ZNF691: variants seen among roughly 807,000 people sequenced by gnomAD.
ZNF691 encodes zinc finger protein 691.
Under a neutral mutation model 24.1 loss-of-function variants are expected in ZNF691, and 11 were observed. The observed-to-expected ratio is 0.46, with a 90% CI of 0.29 to 0.75. The LOEUF is 0.75. ZNF691 is among the 30% of genes least tolerant of loss of function. The pLI is 0.11. For missense variants in ZNF691, 356 were observed against 409.0 expected, an observed-to-expected ratio of 0.87 and a Z score of 1.12; for synonymous variants, 149 against 153.9, an observed-to-expected ratio of 0.97 and a Z score of 0.23.
Position 42,849,667 on chromosome 1 carries a change from C to A in ZNF691, c.9C>A (p.Leu3=). The A allele has an allele frequency of 6.4e-7, 1 of 1,551,048 alleles. No homozygotes were observed. The highest frequency in any genetic ancestry group is 8.7e-7 in the Non-Finnish European group (1 of 1,146,994). The part of the protein sequence containing the change: MS[L]CSPTHSAEMS... ...CCCTCATCCCTTTGTTCATGTCACT[C>A]TGTTCACCAACCCACTCTGCTGAAA... Residue 3 remains leucine (L), a synonymous_variant, in exon 3 of 4, where the codon CTC becomes CTA. Transcript: ENST00000651192.
At chr1:42,850,796 A>G in intron 3 of ZNF691, 154 bp from the exon 4 acceptor site, 1 of 1,549,262 alleles carries the variant, frequency 6.5e-7, no homozygotes, top group Non-Finnish European at 8.7e-7. Flanking sequence ...GTAGCAAGTA[A>G]AGGTATTCTA....
chr1:42,851,668 C>T lies in ZNF691; in HGVS notation c.803C>T (p.Ser268Phe). Reference sequence around the variant, plus strand: ...TGTGGGCGGACCTTCAGCGATATCTCCAACTTTGGAGCACACCAGCGGACC... The same window carrying T: ...TGTGGGCGGACCTTCAGCGATATCTTCAACTTTGGAGCACACCAGCGGACC... ...TECGRTFSDISNFGAHQRTHR... is the reference protein window; with the variant it reads ...TECGRTFSDIFNFGAHQRTHR... Residue 268 changes from serine to phenylalanine, a missense_variant, in exon 4 of 4, where the codon TCC (serine) becomes TTC (phenylalanine). By Grantham distance (155) the Ser-to-Phe change is radical. Coordinates refer to ENST00000651192, the MANE Select transcript of ZNF691 (RefSeq NM_001242739.2). This position sits in a 1 kb window ranked among gnomAD's most constrained non-coding sequence, Gnocchi z 4.7. The T allele has an allele frequency of 1.2e-6, 2 of 1,614,182 alleles. No homozygotes were observed. Among genetic ancestry groups the T allele is most frequent in the Non-Finnish European group, 1.7e-6 (2 of 1,180,034 alleles).
chr1:42,851,363 G>T lies in ZNF691; in HGVS notation c.498G>T (p.Leu166=). 2 of 1,614,116 alleles carry T rather than the reference G, an allele frequency of 1.2e-6. No homozygotes were observed. Among genetic ancestry groups the T allele is most frequent in the Non-Finnish European group, 1.7e-6 (2 of 1,180,022 alleles). ...GCATCCGGCACGAGCGGATCCACCT[G>T]GAAGAGAAACACTACAAATGCCCCA... ...SNRIRHERIH[L]EEKHYKCPKC... Residue 166 remains leucine, a synonymous_variant, in exon 4 of 4, where the codon CTG becomes CTT. Coordinates refer to ENST00000651192, the MANE Select transcript of ZNF691 (RefSeq NM_001242739.2). This position sits in a 1 kb window ranked among gnomAD's most constrained non-coding sequence, Gnocchi z 4.7.
intron 1 of ZNF691, among the ~76,000 whole-genome samples, chr1:42,848,203 G>A (rs1655290971): frequency 1.3e-5 from 2 of 152,342 alleles, no homozygotes; most frequent in South Asian, 4.1e-4. Flanking sequence ...AGTTTCGGAA[G>A]TGAGTGGAGG....
intron 1 of ZNF691, among the ~76,000 whole-genome samples, chr1:42,848,057 T>C (rs1295389232): frequency 6.6e-6 from 1 of 152,218 alleles, no homozygotes; most frequent in Non-Finnish European, 1.5e-5. Context: ...ATTTCTGGAG[T>C]TCACGGTCTG....
At chr1:42,850,381 A>G in intron 3 of ZNF691, 1 of 984,130 alleles carries the variant, frequency 1.0e-6, no homozygotes, top group Non-Finnish European at 1.2e-6. Context: ...TACTTGCTAG[A>G]TTCTGGTGTG....
chr1:42,848,128 C>T (rs1474019751), intron 1 of ZNF691, among the ~76,000 whole-genome samples: 2 of 152,202 alleles, frequency 1.3e-5, no homozygotes, highest in East Asian at 1.9e-4. Flanking sequence ...TTTGCTCTTA[C>T]ATTGACCTAG....
At chr1:42,847,208 C>A (rs138125802) in intron 1 of ZNF691, among the ~76,000 whole-genome samples, 2 of 152,322 alleles carry the variant, frequency 1.3e-5, no homozygotes, top group African/African-American at 2.4e-5. Flanking sequence ...CTTGGTCTTT[C>A]ATAGCTCCTC....
intron 3 of ZNF691, 163 bp from the exon 4 acceptor site, chr1:42,850,787 T>C (rs1282419417): frequency 6.5e-7 from 1 of 1,549,174 alleles, no homozygotes; most frequent in Non-Finnish European, 8.7e-7. Context: ...ACTTAAAAGG[T>C]AGCAAGTAAA....
rs1043875319 is a variant in ZNF691 at position 42,849,310 on chromosome 1, C to T, written c.-198C>T. 1.2e-5 allele frequency: 6 copies of T among 488,996 alleles called. No homozygotes were observed. Among genetic ancestry groups the T allele is most frequent in the Non-Finnish European group, 2.4e-5 (6 of 249,528 alleles). The allele number at this position is 488,996 out of a possible 1,614,324, so 30.3% of individuals were successfully genotyped here. A position where few individuals can be genotyped will look rare whatever the true frequency, so the allele number is the denominator to read the frequency against. On this transcript the variant is annotated 5_prime_UTR_variant, in exon 2 of 4. Transcript: ENST00000651192. ...TCACAGGGCCTGGACGTAGTGTCTTCAACAGTTGTAACAGCAGCTGCCATT... is the reference window on the plus strand; with the variant it reads ...TCACAGGGCCTGGACGTAGTGTCTTTAACAGTTGTAACAGCAGCTGCCATT...
chr1:42,849,300 G>T lies in ZNF691; in HGVS notation c.-208G>T. The T allele has an allele frequency of 2.1e-6, 1 of 472,330 alleles. No individual in the cohort carries two copies. The highest frequency in any genetic ancestry group is 4.2e-6 in the Non-Finnish European group (1 of 240,098). 29.3% of individuals were successfully genotyped at this position (472,330 alleles called of 1,614,324 possible). A position where few individuals can be genotyped will look rare whatever the true frequency, so the allele number is the denominator to read the frequency against. ...CTTGTATTCTTCACAGGGCCTGGAC[G>T]TAGTGTCTTCAACAGTTGTAACAGC... On this transcript the variant is annotated 5_prime_UTR_variant, in exon 2 of 4. Coordinates refer to ENST00000651192, the MANE Select transcript of ZNF691 (RefSeq NM_001242739.2).
intron 1 of ZNF691, among the ~76,000 whole-genome samples, chr1:42,847,746 CT>C (rs1290890296): frequency 6.6e-6 from 1 of 152,232 alleles, no homozygotes; most frequent in Non-Finnish European, 1.5e-5. Context: ...GTTAAAAGCA[CT>C]GACTTTGAAG....
chr1:42,851,260 C>G lies in ZNF691; in HGVS notation c.395C>G (p.Thr132Arg). Residue 132 changes from threonine to arginine, a missense_variant, in exon 4 of 4, where the codon ACA becomes AGA. Transcript: ENST00000651192. The surrounding 1 kb of genome is among the most constrained non-coding windows in gnomAD (Gnocchi z 4.7). ...KTFNNTSNLRTHQRIHTGEKP... is the reference protein window; with the variant it reads ...KTFNNTSNLRRHQRIHTGEKP... ...TTCAATAATACCTCCAACCTGAGAA[C>G]ACACCAGCGGATCCACACTGGTGAG... is the stretch of plus-strand genomic sequence containing the variant. 6.2e-7 allele frequency: 1 copy of G among 1,614,186 alleles called. No homozygotes were observed. Among genetic ancestry groups the G allele is most frequent in the Non-Finnish European group, 8.5e-7 (1 of 1,180,034 alleles).
chr1:42,847,739 A>G (rs997332917), intron 1 of ZNF691, among the ~76,000 whole-genome samples: 10 of 152,232 alleles, frequency 6.6e-5, no homozygotes, highest in African/African-American at 2.4e-4. Flanking sequence ...TATAATGGTT[A>G]AAAGCACTGA....
At chr1:42,848,275 TG>T (rs1457765860) in intron 1 of ZNF691, among the ~76,000 whole-genome samples, 1 of 151,104 alleles carries the variant, frequency 6.6e-6, no homozygotes, top group African/African-American at 2.4e-5. Flanking sequence ...GGGCAGGGGG[TG>T]GGGGATGGGA....
At chr1:42,846,696 G>C (rs1268662934) in intron 1 of ZNF691, 39 bp downstream of exon 1, 1 of 152,550 alleles carries the variant, frequency 6.6e-6, no homozygotes, top group Non-Finnish European at 1.5e-5. Flanking sequence ...GGGGGAGGCG[G>C]ACACGACTTC....
chr1:42,849,803 A>G lies in ZNF691; in HGVS notation c.84+61A>G, dbSNP rs1236073562. 2.2e-6 allele frequency: 3 copies of G among 1,354,450 alleles called. No individual in the cohort carries two copies. The African/African-American group carries it at 4.3e-5, about 20-fold the overall frequency. The allele number at this position is 1,354,450 out of a possible 1,614,324, so 83.9% of individuals were successfully genotyped here. A position where few individuals can be genotyped will look rare whatever the true frequency, so the allele number is the denominator to read the frequency against. On this transcript the variant is annotated intron_variant, in intron 3 of 3. Coordinates refer to ENST00000651192, the MANE Select transcript of ZNF691 (RefSeq NM_001242739.2). Reference sequence around the variant, plus strand: ...TGTAGGAACCCAAAGGAGTCTGTGCAGCTTAGCACACATTAGTGATGTTTG... The same window carrying G: ...TGTAGGAACCCAAAGGAGTCTGTGCGGCTTAGCACACATTAGTGATGTTTG...
intron 1 of ZNF691, among the ~76,000 whole-genome samples, 163 bp downstream of exon 1, chr1:42,846,820 C>CT (rs1318062359): frequency 0.048 from 2 of 42 alleles, no homozygotes; most frequent in Admixed American, 0.17. Flanking sequence ...CGCCGCGACC[C>CT]TCGCCCTGGC....
Position 42,851,965 on chromosome 1 carries a change from GGA to G in ZNF691, c.*153_*154del. 1 of 1,235,808 alleles carries G rather than the reference GGA, an allele frequency of 8.1e-7. No homozygotes were observed. The highest frequency in any genetic ancestry group is 1.2e-6 in the Non-Finnish European group (1 of 859,456). 76.6% of individuals were successfully genotyped at this position (1,235,808 alleles called of 1,614,324 possible). On this transcript the variant is annotated 3_prime_UTR_variant, in exon 4 of 4. Transcript: ENST00000651192. This position sits in a 1 kb window ranked among gnomAD's most constrained non-coding sequence, Gnocchi z 4.7. ...TATAGCCTCTGAAGTCAGGATCTCAGGAAGTCCTGAGGAGGGACTCTGGAATA... is the reference window on the plus strand; with the variant it reads ...TATAGCCTCTGAAGTCAGGATCTCAGAGTCCTGAGGAGGGACTCTGGAATA...
Sources: gnomAD v4.1 joint callset for allele counts (sites outside exome capture counted in the v4.1 genomes callset) on GRCh38, gnomAD v4.1.1 for gene constraint, Gnocchi (gnomAD v3.1) non-coding constraint, MANE v1.5 for transcripts, NCBI Gene and HGNC (gene_info 2026-07-23, HGNC 2026-07-21) for gene names.